The following FSIP2 variants were observed in gnomAD, a reference collection of about 807,000 sequenced individuals.
The protein encoded by FSIP2 is fibrous sheath interacting protein 2.
Under a neutral mutation model 510.5 loss-of-function variants are expected in FSIP2, and 367 were observed. That is an observed-to-expected ratio of 0.72 (90% CI 0.66 to 0.78). The LOEUF (loss-of-function observed/expected upper bound fraction) is 0.78. Ranked by LOEUF, FSIP2 falls within the 30% of genes least tolerant of loss-of-function variation. The pLI, the probability that FSIP2 is intolerant of heterozygous loss-of-function variation, is 0.00. For missense variants in FSIP2, 7,594 were observed against 7,901.7 expected (o/e 0.96, Z 1.48); for synonymous variants, 2,601 against 2,732.2 (o/e 0.95, Z 1.50).
intron 9 of FSIP2, 52 bp downstream of exon 9, chr2:185,756,330 G>A: frequency 1.6e-6 from 1 of 640,784 alleles, no homozygotes; most frequent in Non-Finnish European, 2.4e-6. Flanking sequence ...TAATTTGGGG[G>A]AAAGACAGTT....
At chr2:185,814,966 GCAA>G (rs1218004930) in intron 18 of FSIP2, among the ~76,000 whole-genome samples, 1 of 151,984 alleles carries the variant, frequency 6.6e-6, no homozygotes, top group Non-Finnish European at 1.5e-5. Flanking sequence ...ACATGAGTTT[GCAA>G]CAAATAGATC....
At chr2:185,746,234 T>C (rs897530904) in intron 5 of FSIP2, among the ~76,000 whole-genome samples, 1 of 152,100 alleles carries the variant, frequency 6.6e-6, no homozygotes, top group African/African-American at 2.4e-5. Flanking sequence ...TTCAAGGACT[T>C]GTAAATTACA....
Position 185,764,701 on chromosome 2 carries a change from T to A in FSIP2, c.1411+136T>A, listed in dbSNP as rs117635105. ...CAAGGAAAAATGGCACAATTTTTGCTCAGGGTTCTTACAGTATACTTGGAA... is the reference window on the plus strand; with the variant it reads ...CAAGGAAAAATGGCACAATTTTTGCACAGGGTTCTTACAGTATACTTGGAA... On this transcript the variant is annotated intron_variant, in intron 13 of 22. Coordinates refer to ENST00000424728, the MANE Select transcript of FSIP2 (RefSeq NM_173651.4). 1,346 of 633,672 alleles carry A rather than the reference T, an allele frequency of 2.1e-3. 41 individuals carry two copies. In the East Asian group the frequency reaches 0.038, roughly 18 times the overall value. 39.3% of individuals were successfully genotyped at this position (633,672 alleles called of 1,614,324 possible).
intron 10 of FSIP2, 52 bp from the exon 11 acceptor site, chr2:185,761,920 T>C: frequency 1.0e-6 from 1 of 953,672 alleles, no homozygotes. Flanking sequence ...GAATCTTTTT[T>C]GGAAGTACAG....
chr2:185,797,404 C>CTT lies in FSIP2; in HGVS notation c.10269_10270insTT (p.Val3424LeufsTer2). The CTT allele has an allele frequency of 6.5e-7, 1 of 1,532,550 alleles. No homozygotes were observed. Among genetic ancestry groups the CTT allele is most frequent in the Non-Finnish European group, 8.7e-7 (1 of 1,145,596 alleles). 94.9% of individuals were successfully genotyped at this position (1,532,550 alleles called of 1,614,324 possible). A position where few individuals can be genotyped will look rare whatever the true frequency, so the allele number is the denominator to read the frequency against. On this transcript the variant is annotated frameshift_variant, in exon 16 of 23. Transcript: ENST00000424728. LOFTEE classifies it high-confidence loss of function. The stretch of plus-strand genomic sequence containing the variant: ...AAAAAGGAGTACCCAAAGATAGAGA[C>CTT]TGTGAAGGAAGTTGAAGCCTTTACT...
At chr2:185,810,768 A>C (rs1693712368) in intron 17 of FSIP2, among the ~76,000 whole-genome samples, 1 of 151,984 alleles carries the variant, frequency 6.6e-6, no homozygotes, top group African/African-American at 2.4e-5. Context: ...AAGGCTCAGA[A>C]GAAGATAGGA....
Position 185,794,447 on chromosome 2 carries a change from A to G in FSIP2, c.7311A>G (p.Arg2437=). The G allele has an allele frequency of 6.6e-7, 1 of 1,510,478 alleles. No individual in the cohort carries two copies. The highest frequency in any genetic ancestry group is 8.8e-7 in the Non-Finnish European group (1 of 1,136,840). The allele number at this position is 1,510,478 out of a possible 1,614,324, so 93.6% of individuals were successfully genotyped here. Residue 2437 remains arginine, a synonymous_variant, in exon 16 of 23, where the codon AGA becomes AGG. Transcript: ENST00000424728. ...TGCTGGGTCACAAAGAGAAGGAAAG[A>G]AGTACCAAACAATCTCTATTTACAA... ...EILLGHKEKE[R]STKQSLFTKY... is the part of the protein sequence containing the mutation.
intron 22 of FSIP2, among the ~76,000 whole-genome samples, chr2:185,832,754 A>G (rs1191944918): frequency 6.6e-6 from 1 of 151,930 alleles, no homozygotes; most frequent in Non-Finnish European, 1.5e-5. Flanking sequence ...AAATTTACTC[A>G]AAGTAGGTGA....
Position 185,802,812 on chromosome 2 carries a change from C to A in FSIP2, c.13506C>A (p.Phe4502Leu). 1 of 1,520,804 alleles carries A rather than the reference C, an allele frequency of 6.6e-7. No homozygotes were observed. Among genetic ancestry groups the A allele is most frequent in the South Asian group, 1.2e-5 (1 of 80,934 alleles). The allele number at this position is 1,520,804 out of a possible 1,614,324, so 94.2% of individuals were successfully genotyped here. The change falls in exon 17 of 23, where the codon TTC (phenylalanine) becomes TTA (leucine). Residue 4502 changes from phenylalanine (F) to leucine (L), a missense_variant. Transcript: ENST00000424728. ...DTQKDISRVN[F>L]NDIASNLVSD... ...AAAAAGATATATCAAGAGTGAATTTCAATGACATTGCTTCAAACCTAGTTA... is the reference window on the plus strand; with the variant it reads ...AAAAAGATATATCAAGAGTGAATTTAAATGACATTGCTTCAAACCTAGTTA...
At chr2:185,819,791 TAA>T (rs984321510) in intron 19 of FSIP2, among the ~76,000 whole-genome samples, 4 of 151,766 alleles carry the variant, frequency 2.6e-5, no homozygotes, top group African/African-American at 9.7e-5. Flanking sequence ...TAGGCTAGGC[TAA>T]GTTATGATGT....
chr2:185,745,422 TA>T lies in FSIP2; in HGVS notation c.478-4del. ...ATATATATGTAATACACACATTTCT[TA>T]AATAGAGAATACTTGCAAAACAACT... On this transcript the variant is annotated splice_polypyrimidine_tract_variant and splice_region_variant and intron_variant, in intron 4 of 22. Transcript: ENST00000424728. 6.6e-7 allele frequency: 1 copy of T among 1,512,316 alleles called. No homozygotes were observed. Among genetic ancestry groups the T allele is most frequent in the Non-Finnish European group, 8.9e-7 (1 of 1,127,222 alleles). The allele number at this position is 1,512,316 out of a possible 1,614,324, so 93.7% of individuals were successfully genotyped here.
At chr2:185,749,331 G>T (rs1692098116) in intron 7 of FSIP2, among the ~76,000 whole-genome samples, 1 of 151,774 alleles carries the variant, frequency 6.6e-6, no homozygotes, top group South Asian at 2.1e-4. Context: ...TCTTAACAGT[G>T]CTATGTAGTT....
rs1402493128 is a variant in FSIP2 at position 185,794,067 on chromosome 2, G to T, written c.6931G>T (p.Val2311Phe). The T allele has an allele frequency of 6.5e-7, 1 of 1,531,876 alleles. No homozygotes were observed. Among genetic ancestry groups the T allele is most frequent in the Admixed American group, 2.0e-5 (1 of 50,714 alleles). The allele number at this position is 1,531,876 out of a possible 1,614,324, so 94.9% of individuals were successfully genotyped here. A position where few individuals can be genotyped will look rare whatever the true frequency, so the allele number is the denominator to read the frequency against. ...AAGCCAAGTGGAATCAGATGTAAAT[G>T]TCCTGAAAATATCAGCAACTGAAAC... is the stretch of plus-strand genomic sequence containing the variant. The part of the protein sequence containing the change: ...DSSQVESDVN[V>F]LKISATETIL... Residue 2311 changes from valine (V) to phenylalanine (F), a missense_variant, in exon 16 of 23, where the codon GTC becomes TTC. Transcript: ENST00000424728.
intron 13 of FSIP2, among the ~76,000 whole-genome samples, chr2:185,775,084 T>C (rs1391650279): frequency 2.0e-5 from 2 of 99,392 alleles, no homozygotes; most frequent in East Asian, 2.9e-4. Flanking sequence ...TATAGTCCTT[T>C]GGGTATATAC....
rs1692360785 is a variant in FSIP2, at chr2:185,761,963, A to G, written c.1195-9A>G. The G allele has an allele frequency of 2.1e-6, 3 of 1,454,152 alleles. No individual in the cohort carries two copies. The highest frequency in any genetic ancestry group is 4.1e-5 in the Admixed American group (2 of 49,282). The allele number at this position is 1,454,152 out of a possible 1,614,324, so 90.1% of individuals were successfully genotyped here. ...TGTAATTTTTTCTCTTCAATGTGGT[A>G]CCATGTAGAGAGATGGGATGGTATC... is the stretch of plus-strand genomic sequence containing the variant. On this transcript the variant is annotated splice_polypyrimidine_tract_variant and intron_variant, in intron 10 of 22. Coordinates refer to ENST00000424728, the MANE Select transcript of FSIP2 (RefSeq NM_173651.4).
Position 185,803,871 on chromosome 2 carries a change from T to G in FSIP2, c.14565T>G (p.Ile4855Met), listed in dbSNP as rs912953497. 1.1e-5 allele frequency: 17 copies of G among 1,523,228 alleles called. No homozygotes were observed. The East Asian group carries it at 2.7e-4, about 24-fold the overall frequency. 94.4% of individuals were successfully genotyped at this position (1,523,228 alleles called of 1,614,324 possible). ...IKYGNKKQSM[I>M]SAKDIQSMVD... The stretch of plus-strand genomic sequence containing the variant: ...ATGGGAATAAAAAACAGAGTATGAT[T>G]TCAGCAAAAGATATCCAGTCTATGG... The change falls in exon 17 of 23, where the codon ATT (isoleucine) becomes ATG (methionine). Residue 4855 changes from isoleucine to methionine, a missense_variant. By Grantham distance (10) the Ile-to-Met change is conservative. Coordinates refer to ENST00000424728, the MANE Select transcript of FSIP2 (RefSeq NM_173651.4).
Position 185,795,045 on chromosome 2 carries a change from C to A in FSIP2, c.7909C>A (p.Leu2637Ile). ...GAAGAAAGACTTAATTCAAATGGTT[C>A]TCAATAAGATCACAAATTTTGTCTC... ...QVKKDLIQMV[L>I]NKITNFVSLP... The change falls in exon 16 of 23, where the codon CTC (leucine) becomes ATC (isoleucine). Residue 2637 changes from leucine (L) to isoleucine (I), a missense_variant. By Grantham distance (5) the Leu-to-Ile change is conservative. Coordinates refer to ENST00000424728, the MANE Select transcript of FSIP2 (RefSeq NM_173651.4). 6.5e-7 allele frequency: 1 copy of A among 1,534,518 alleles called. No homozygotes were observed. The highest frequency in any genetic ancestry group is 8.7e-7 in the Non-Finnish European group (1 of 1,145,956).
intron 15 of FSIP2, 52 bp from the exon 16 acceptor site, chr2:185,788,591 A>C: frequency 3.9e-6 from 5 of 1,266,670 alleles, no homozygotes; most frequent in Non-Finnish European, 5.2e-6. Flanking sequence ...TCCAAAACAT[A>C]GAGTAAGTTG....
At position 185,808,619 on chromosome 2, in the gene FSIP2, A is replaced by G; in HGVS notation, c.19313A>G (p.Glu6438Gly). The G allele has an allele frequency of 6.2e-7, 1 of 1,602,672 alleles. No homozygotes were observed. Among genetic ancestry groups the G allele is most frequent in the Non-Finnish European group, 8.5e-7 (1 of 1,174,986 alleles). The change falls in exon 17 of 23, where the codon GAA becomes GGA. Residue 6438 changes from glutamate (E) to glycine (G), a missense_variant. By Grantham distance (98) the Glu-to-Gly change is moderately conservative. Transcript: ENST00000424728. ...NILQQSGTNKEFYYDIKDTNT... is the reference protein window; with the variant it reads ...NILQQSGTNKGFYYDIKDTNT... ...CTGCAACAATCAGGAACCAACAAAGAATTTTATTATGATATAAAAGATACA... is the reference window on the plus strand; with the variant it reads ...CTGCAACAATCAGGAACCAACAAAGGATTTTATTATGATATAAAAGATACA...
Sources: gnomAD v4.1 joint callset for allele counts (sites outside exome capture counted in the v4.1 genomes callset) on GRCh38, gnomAD v4.1.1 for gene constraint, MANE v1.5 for transcripts, NCBI Gene and HGNC (gene_info 2026-07-23, HGNC 2026-07-21) for gene names.